Variants in YBEY observed in about 807,000 individuals in gnomAD.
YBEY encodes ybeY metalloendoribonuclease.
In YBEY, 15 loss-of-function variants were observed where a neutral mutation model predicts 13.5. The observed-to-expected ratio is 1.11, with a 90% CI of 0.75 to 1.72. The LOEUF is 1.72. YBEY is among the 40% of genes most tolerant of loss of function. The pLI is 0.00. For missense variants in YBEY, 244 were observed against 208.4 expected (o/e 1.17, Z -1.05); for synonymous variants, 101 against 83.1 (o/e 1.21, Z -1.17).
intron 1 of YBEY, 169 bp from the exon 2 acceptor site, chr21:46,286,701 T>C (rs1037014636): frequency 6.2e-5 from 27 of 436,586 alleles, no homozygotes; most frequent in Non-Finnish European, 1.0e-4. Context: ...TTCCGCGGCA[T>C]CCTTCCATAG....
At chr21:46,309,560 T>A in the YBEY span, among the ~76,000 whole-genome samples, 5 of 152,158 alleles carry the variant, frequency 3.3e-5, no homozygotes, top group African/African-American at 1.2e-4. Context: ...AACTGATATA[T>A]TCACACAATG....
downstream of YBEY, chr21:46,302,719 C>T (rs1187428107): frequency 9.4e-5 from 62 of 660,516 alleles, no homozygotes; most frequent in South Asian, 1.8e-4. Context: ...CGTCTGCACA[C>T]GGTGCGGGTC....
chr21:46,292,443 G>A (rs570087163), intron 3 of YBEY, among the ~76,000 whole-genome samples: 4 of 152,188 alleles, frequency 2.6e-5, no homozygotes, highest in East Asian at 1.9e-4. Flanking sequence ...GAGCAAGGAG[G>A]GGATTCGTTT....
intron 2 of YBEY, among the ~76,000 whole-genome samples, chr21:46,289,001 G>C (rs1343177246): frequency 6.6e-6 from 1 of 152,280 alleles, no homozygotes; most frequent in African/African-American, 2.4e-5. Context: ...TCCACCCTGG[G>C]CCACAGAGTA....
chr21:46,311,553 A>G, the YBEY span: 3 of 1,610,252 alleles, frequency 1.9e-6, no homozygotes, highest in Non-Finnish European at 2.5e-6. Flanking sequence ...TGATGGTGGC[A>G]GGAGGCTGGG....
At chr21:46,294,616 G>C (rs1158778498) in intron 3 of YBEY, among the ~76,000 whole-genome samples, 1 of 99,466 alleles carries the variant, frequency 1.0e-5, no homozygotes, top group African/African-American at 3.4e-5. Flanking sequence ...GGGACTCAGT[G>C]GGGACAGCCA....
chr21:46,289,570 C>T (rs2081610995), intron 2 of YBEY, among the ~76,000 whole-genome samples: 2 of 151,702 alleles, frequency 1.3e-5, no homozygotes, highest in South Asian at 2.1e-4. Flanking sequence ...TTCAGCCTCC[C>T]GAGTAGCTGG....
chr21:46,286,817 C>A, intron 1 of YBEY, 53 bp from the exon 2 acceptor site: 4 of 1,090,964 alleles, frequency 3.7e-6, no homozygotes, highest in Non-Finnish European at 5.4e-6. Flanking sequence ...TGTATTTTTA[C>A]AGACCGTATT....
At position 46,287,348 on chromosome 21, in the gene YBEY, C is replaced by A. The variant is rs573951361; in HGVS notation, c.210+225C>A. On this transcript the variant is annotated intron_variant, in intron 2 of 4. Transcript: ENST00000397701. Reference sequence around the variant, plus strand: ...AGGTGGGACCACAGATGCTGGCCACCACGCCTGGCTAATTTTTTTTTGTCA... The same window carrying A: ...AGGTGGGACCACAGATGCTGGCCACAACGCCTGGCTAATTTTTTTTTGTCA... Among the ~76,000 whole-genome samples the A allele has an allele frequency of 2.0e-5, 3 of 152,128 alleles. No individual in the cohort carries two copies. The East Asian group carries it at 5.8e-4, about 29-fold the overall frequency.
chr21:46,299,727 C>T (rs567509480), downstream of YBEY, among the ~76,000 whole-genome samples: 5 of 151,238 alleles, frequency 3.3e-5, no homozygotes, highest in Non-Finnish European at 7.4e-5. Flanking sequence ...ATCAGGTGTA[C>T]AGGTGTGCAC....
rs768938759 is a variant in YBEY at position 46,296,219 on chromosome 21, G to A, written c.397G>A (p.Glu133Lys). 1 of 1,613,722 alleles carries A rather than the reference G, an allele frequency of 6.2e-7. No homozygotes were observed. The highest frequency in any genetic ancestry group is 8.5e-7 in the Non-Finnish European group (1 of 1,180,028). ...GGGATTCACACACGGCACGGAGGCA[G>A]AGTGGCAGCAGGTAAGGAGCCCATC... ...LLGFTHGTEA[E>K]WQQMFQKEKA... Residue 133 changes from glutamate (E) to lysine (K), a missense_variant, in exon 4 of 5, where the codon GAG becomes AAG. Physicochemically the swap from Glu to Lys is moderately conservative, Grantham distance 56. Coordinates refer to ENST00000397701, the MANE Select transcript of YBEY (RefSeq NM_001314025.2).
chr21:46,307,367 A>C, the YBEY span, among the ~76,000 whole-genome samples: 1 of 152,052 alleles, frequency 6.6e-6, no homozygotes, highest in Admixed American at 6.6e-5. Flanking sequence ...AAGCATAGGC[A>C]CACACTCACC....
chr21:46,306,175 G>T, the YBEY span, among the ~76,000 whole-genome samples: 5 of 151,938 alleles, frequency 3.3e-5, no homozygotes, highest in Admixed American at 3.3e-4. Flanking sequence ...TAAAATGACT[G>T]TCAATCTAGA....
the YBEY span, chr21:46,313,161 C>A: frequency 1.8e-6 from 1 of 568,684 alleles, no homozygotes; most frequent in Non-Finnish European, 2.2e-6. Flanking sequence ...AGCATGAAAG[C>A]AGCTACGGAC....
At chr21:46,311,612 A>G in the YBEY span, 2 of 1,235,854 alleles carry the variant, frequency 1.6e-6, no homozygotes, top group Non-Finnish European at 2.3e-6. Flanking sequence ...GTCCTTGAAG[A>G]AAGTGTCTCC....
chr21:46,291,782 AAGTACAG>A, intron 3 of YBEY: 1 of 1,093,170 alleles, frequency 9.1e-7, no homozygotes, highest in Admixed American at 5.0e-5. Flanking sequence ...GAGCTGCCAG[AAGTACAG>A]AAGTTGGAGC....
chr21:46,294,383 C>T (rs1313854181), intron 3 of YBEY, among the ~76,000 whole-genome samples: 11 of 82,706 alleles, frequency 1.3e-4, no homozygotes, highest in African/African-American at 4.5e-4. Flanking sequence ...GACCCGTGCC[C>T]GGGACTCAGT....
At chr21:46,305,312 TA>T in the YBEY span, among the ~76,000 whole-genome samples, 1 of 150,816 alleles carries the variant, frequency 6.6e-6, no homozygotes, top group African/African-American at 2.4e-5. Context: ...TTTTTTTTTT[TA>T]ATCACAAATT....
downstream of YBEY, among the ~76,000 whole-genome samples, chr21:46,299,107 C>T (rs1160104454): frequency 6.8e-6 from 1 of 147,044 alleles, no homozygotes; most frequent in Admixed American, 6.9e-5. Flanking sequence ...GCTTGTACTA[C>T]ATGTGTGTGC....
Sources: allele counts gnomAD v4.1 joint callset (sites outside exome capture counted in the v4.1 genomes callset), GRCh38; gene constraint gnomAD v4.1.1; transcripts MANE v1.5; gene names NCBI Gene and HGNC (gene_info 2026-07-23, HGNC 2026-07-21).